APPBP2: variants seen among roughly 807,000 people sequenced by gnomAD.
APPBP2 encodes amyloid beta precursor protein binding protein 2, also known as amyloid protein-binding protein 2.
A neutral mutation model predicts 76.0 loss-of-function variants in APPBP2; 15 were observed. The observed-to-expected ratio is 0.20, with a 90% CI of 0.13 to 0.30. The LOEUF is 0.30. APPBP2 is among the 10% of genes least tolerant of loss of function. The pLI, the probability that APPBP2 is intolerant of heterozygous loss-of-function variation, is 1.00. For synonymous variants in APPBP2, 222 were observed against 242.2 expected (o/e 0.92, Z 0.77); for missense variants, 401 against 687.2 (o/e 0.58, Z 4.66).
chr17:60,474,894 T>C (rs9889571), intron 4 of APPBP2, among the ~76,000 whole-genome samples: 11,927 of 152,152 alleles, frequency 0.078, 1,577 homozygotes, highest in African/African-American at 0.27. Flanking sequence ...TTTGTTATTA[T>C]TAATTTAAGA....
At chr17:60,519,009 T>C (rs1184919882) in intron 1 of APPBP2, among the ~76,000 whole-genome samples, 2 of 152,328 alleles carry the variant, frequency 1.3e-5, no homozygotes, top group Non-Finnish European at 2.9e-5. Flanking sequence ...CCCAGGCTAG[T>C]GTGCAGCGGC....
At chr17:60,511,087 C>T (rs542698877) in intron 1 of APPBP2, among the ~76,000 whole-genome samples, 2 of 152,254 alleles carry the variant, frequency 1.3e-5, no homozygotes, top group East Asian at 1.9e-4. Flanking sequence ...GATGTTACCA[C>T]AGCACAAATG....
At chr17:60,469,191 T>TG (rs2090533029) in intron 4 of APPBP2, among the ~76,000 whole-genome samples, 1 of 151,856 alleles carries the variant, frequency 6.6e-6, no homozygotes, top group Admixed American at 6.6e-5. Flanking sequence ...CTTGGCATGG[T>TG]GGTGCGTGCC....
chr17:60,483,433 G>A (rs541782474), intron 3 of APPBP2, among the ~76,000 whole-genome samples: 5 of 151,958 alleles, frequency 3.3e-5, no homozygotes, highest in South Asian at 2.1e-4. Flanking sequence ...TTGCTCTGTC[G>A]CCCAGGCTGG....
At chr17:60,490,798 C>A (rs1279266020) in intron 3 of APPBP2, among the ~76,000 whole-genome samples, 1 of 152,140 alleles carries the variant, frequency 6.6e-6, no homozygotes, top group Non-Finnish European at 1.5e-5. Flanking sequence ...TAAGGGGTTT[C>A]CCCTTTCATT....
chr17:60,496,179 TA>T (rs1175675343), intron 2 of APPBP2, among the ~76,000 whole-genome samples: 4 of 152,246 alleles, frequency 2.6e-5, no homozygotes, highest in African/African-American at 9.6e-5. Context: ...AGTTGACTGT[TA>T]ATGATTTCTT....
chr17:60,480,275 G>C (rs1352854397), intron 3 of APPBP2, among the ~76,000 whole-genome samples: 5 of 152,080 alleles, frequency 3.3e-5, no homozygotes, highest in African/African-American at 1.2e-4. Context: ...CAGGAGGCTG[G>C]GGTGGGAGAA....
At chr17:60,483,304 G>C (rs112147574) in intron 3 of APPBP2, among the ~76,000 whole-genome samples, 105 of 152,266 alleles carry the variant, frequency 6.9e-4, no homozygotes, top group African/African-American at 2.3e-3. Flanking sequence ...ATTCGCTTAA[G>C]TTCTTTGTAG....
intron 2 of APPBP2, among the ~76,000 whole-genome samples, chr17:60,499,284 C>T (rs1042477550): frequency 4.0e-5 from 6 of 150,870 alleles, no homozygotes; most frequent in East Asian, 1.9e-4. Context: ...CAGTGAGCTA[C>T]GAACATGCCA....
rs530515539 is a variant in APPBP2, at chr17:60,470,672, G to A, written c.504-4213C>T. 1.6e-3 allele frequency among the ~76,000 whole-genome samples: 237 copies of A among 152,118 alleles called. 1 individual carries two copies. Among genetic ancestry groups the A allele is most frequent in the Non-Finnish European group, 2.8e-3 (190 of 68,020 alleles). On this transcript the variant is annotated intron_variant, in intron 4 of 12. Coordinates refer to ENST00000083182, the MANE Select transcript of APPBP2 (RefSeq NM_006380.5). ...GGCTCACTGCAACCTCTGCCTCCTG[G>A]GTTCAAGTGATTCTCCTGCCTCAGC...
intron 10 of APPBP2, among the ~76,000 whole-genome samples, chr17:60,455,586 T>C (rs2090425120): frequency 6.6e-6 from 1 of 152,194 alleles, no homozygotes; most frequent in African/African-American, 2.4e-5. Context: ...GCAAGAGCCT[T>C]GCAACATTCG....
At chr17:60,471,681 T>C (rs1489960177) in intron 4 of APPBP2, among the ~76,000 whole-genome samples, 1 of 152,190 alleles carries the variant, frequency 6.6e-6, no homozygotes, top group Non-Finnish European at 1.5e-5. Flanking sequence ...TTTGTCATAG[T>C]GTAAAATCCT....
At chr17:60,461,660 G>T in intron 8 of APPBP2, 150 bp downstream of exon 8, 1 of 577,898 alleles carries the variant, frequency 1.7e-6, no homozygotes. Flanking sequence ...CACCTTCTAG[G>T]TAATACTTAA....
At chr17:60,448,666 CT>C (rs2090368850) in intron 12 of APPBP2, among the ~76,000 whole-genome samples, 1 of 152,130 alleles carries the variant, frequency 6.6e-6, no homozygotes, top group Non-Finnish European at 1.5e-5. Context: ...TACGGAGTGA[CT>C]GATGGTATAT....
chr17:60,490,847 C>A (rs1267904419), intron 3 of APPBP2, among the ~76,000 whole-genome samples: 1 of 152,150 alleles, frequency 6.6e-6, no homozygotes, highest in Non-Finnish European at 1.5e-5. Context: ...GTAAGATGTG[C>A]CTTTTACCTT....
chr17:60,524,135 C>A (rs2091031503), intron 1 of APPBP2, among the ~76,000 whole-genome samples: 1 of 152,122 alleles, frequency 6.6e-6, no homozygotes, highest in Non-Finnish European at 1.5e-5. Flanking sequence ...ACAAAAGCAC[C>A]ATCTATTCAT....
intron 3 of APPBP2, among the ~76,000 whole-genome samples, chr17:60,482,713 C>G (rs372928583): frequency 2.0e-5 from 3 of 152,122 alleles, no homozygotes; most frequent in Non-Finnish European, 4.4e-5. Flanking sequence ...ATAGTTTGCT[C>G]AGAATGATGG....
intron 1 of APPBP2, among the ~76,000 whole-genome samples, chr17:60,501,465 C>T (rs951318081): frequency 3.3e-5 from 5 of 152,220 alleles, no homozygotes; most frequent in Middle Eastern, 3.4e-3. Flanking sequence ...GGTGCAATCT[C>T]GGCTCACTGC....
chr17:60,480,544 T>C lies in APPBP2; in HGVS notation c.380-1273A>G, dbSNP rs2090620912. On this transcript the variant is annotated intron_variant, in intron 3 of 12. Coordinates refer to ENST00000083182, the MANE Select transcript of APPBP2 (RefSeq NM_006380.5). Reference sequence around the variant, plus strand: ...GCTTAGACTCATGTTTTATATTTAATTAAAACTACATGTAATTAAGCATTT... The same window carrying C: ...GCTTAGACTCATGTTTTATATTTAACTAAAACTACATGTAATTAAGCATTT... 2.0e-5 allele frequency among the ~76,000 whole-genome samples: 3 copies of C among 151,594 alleles called. No individual in the cohort carries two copies. In the South Asian group the frequency reaches 6.2e-4, roughly 31 times the overall value.
Sources: allele counts gnomAD v4.1 joint callset (sites outside exome capture counted in the v4.1 genomes callset), GRCh38; gene constraint gnomAD v4.1.1; transcripts MANE v1.5; gene names NCBI Gene and HGNC (gene_info 2026-07-23, HGNC 2026-07-21).